The following SUMF1 variants were observed in gnomAD, a reference collection of about 807,000 sequenced individuals.
The protein encoded by SUMF1 is sulfatase modifying factor 1, also known as formylglycine-generating enzyme.
In SUMF1, 48 loss-of-function variants were observed where a neutral mutation model predicts 47.6. The ratio of observed to expected loss-of-function variants is 1.01; its 90% CI spans 0.80 to 1.28. SUMF1 has a LOEUF of 1.28. SUMF1 is among the 50% of genes most tolerant of loss of function. The probability of loss-of-function intolerance (pLI) is 0.00; values close to 1 mark genes in which losing one functional copy is unlikely to be tolerated. For missense variants in SUMF1, 571 were observed against 485.4 expected (o/e 1.18, Z -1.66); for synonymous variants, 230 against 192.1 (o/e 1.20, Z -1.63).
intron 8 of SUMF1, among the ~76,000 whole-genome samples, chr3:4,230,782 C>A (rs1696282412): frequency 6.6e-6 from 1 of 152,060 alleles, no homozygotes; most frequent in Non-Finnish European, 1.5e-5. Context: ...TGTCTGGGGG[C>A]CTCCAGCCAC....
At chr3:4,442,610 C>T (rs989548970) in intron 3 of SUMF1, among the ~76,000 whole-genome samples, 2 of 113,896 alleles carry the variant, frequency 1.8e-5, no homozygotes, top group African/African-American at 6.3e-5. Flanking sequence ...AACCAAACTC[C>T]TGAAATAGAG....
At chr3:4,380,509 A>T (rs2124873117) in intron 7 of SUMF1, among the ~76,000 whole-genome samples, 1 of 152,208 alleles carries the variant, frequency 6.6e-6, no homozygotes, top group South Asian at 2.1e-4. Flanking sequence ...AATTATCTAC[A>T]CCAAACCCCC....
chr3:4,283,813 T>C (rs1697575903), intron 8 of SUMF1, among the ~76,000 whole-genome samples: 1 of 152,126 alleles, frequency 6.6e-6, no homozygotes, highest in African/African-American at 2.4e-5. Flanking sequence ...GAGTACACCA[T>C]CAAGGTGCCA....
intron 1 of SUMF1, among the ~76,000 whole-genome samples, chr3:4,453,922 G>A (rs1022100683): frequency 6.6e-6 from 1 of 152,014 alleles, no homozygotes; most frequent in African/African-American, 2.4e-5. Flanking sequence ...TCCCACCTCG[G>A]CCTTCCAAAC....
Position 4,418,066 on chromosome 3 carries a change from CT to C in SUMF1, c.668del (p.Lys223SerfsTer45), listed in dbSNP as rs2125035405. The C allele has an allele frequency of 1.2e-6, 2 of 1,614,094 alleles. No homozygotes were observed. The highest frequency in any genetic ancestry group is 1.7e-6 in the Non-Finnish European group (2 of 1,180,020). ...DAVAYCTWAGKRLPTEAEWEY... is the reference protein window; with the variant it reads ...DAVAYCTWAGXRLPTEAEWEY... ...CCCACTCAGCTTCCGTGGGCAGCCG[CT>C]TCCCTGCCCAAGTGCAGTAGGCAAC... On this transcript the variant is annotated frameshift_variant, in exon 5 of 9. Coordinates refer to ENST00000272902, the MANE Select transcript of SUMF1 (RefSeq NM_182760.4). LOFTEE classifies it high-confidence loss of function.
intron 8 of SUMF1, among the ~76,000 whole-genome samples, chr3:4,368,273 A>C (rs184704189): frequency 2.0e-5 from 3 of 152,218 alleles, no homozygotes; most frequent in African/African-American, 7.2e-5. Context: ...AATGCAAATC[A>C]AAACCACAAT....
intron 8 of SUMF1, among the ~76,000 whole-genome samples, chr3:4,145,675 A>T (rs566424362): frequency 6.6e-6 from 1 of 152,328 alleles, no homozygotes; most frequent in Admixed American, 6.5e-5. Flanking sequence ...TCATGTCTGC[A>T]TCAAAGATTG....
intron 7 of SUMF1, among the ~76,000 whole-genome samples, chr3:4,387,686 T>G (rs1700718266): frequency 6.6e-6 from 1 of 152,018 alleles, no homozygotes; most frequent in Non-Finnish European, 1.5e-5. Flanking sequence ...TTTTAGACTT[T>G]TTCTCTTTTC....
intron 6 of SUMF1, among the ~76,000 whole-genome samples, chr3:4,413,062 T>A (rs1003080559): frequency 6.6e-6 from 1 of 151,890 alleles, no homozygotes; most frequent in African/African-American, 2.4e-5. Flanking sequence ...TGGAGTACAG[T>A]GATGCAATCA....
intron 8 of SUMF1, among the ~76,000 whole-genome samples, chr3:4,111,095 A>G (rs1693295761): frequency 6.6e-6 from 1 of 151,986 alleles, no homozygotes; most frequent in South Asian, 2.1e-4. Flanking sequence ...ATGATTAAGA[A>G]AGAAAATACA....
At chr3:4,038,871 A>C (rs996110675) in intron 9 of SUMF1, among the ~76,000 whole-genome samples, 2 of 152,206 alleles carry the variant, frequency 1.3e-5, no homozygotes, top group East Asian at 3.9e-4. Flanking sequence ...AAAAGAGTTC[A>C]GGGGTTGCGA....
chr3:4,111,310 T>C (rs1008910480), intron 8 of SUMF1, among the ~76,000 whole-genome samples: 12 of 152,266 alleles, frequency 7.9e-5, no homozygotes, highest in African/African-American at 2.9e-4. Flanking sequence ...GAAGTGGACC[T>C]GTGCAATTCA....
chr3:4,181,546 G>C (rs891288075), intron 8 of SUMF1, among the ~76,000 whole-genome samples: 1 of 152,124 alleles, frequency 6.6e-6, no homozygotes, highest in Non-Finnish European at 1.5e-5. Flanking sequence ...GTTTGACCTT[G>C]GGCTAGTCAC....
At chr3:4,349,947 T>G (rs1476384180) in intron 8 of SUMF1, among the ~76,000 whole-genome samples, 1 of 95,070 alleles carries the variant, frequency 1.1e-5, no homozygotes, top group African/African-American at 4.9e-5. Flanking sequence ...ATGCATCCGG[T>G]TTTTTTTTTT....
rs537319590 is a variant in SUMF1, at chr3:4,269,506, A to G, written c.1014+106824T>C. On this transcript the variant is annotated intron_variant and NMD_transcript_variant, in intron 8 of 12. Coordinates refer to the SUMF1 transcript ENST00000448413. ...TAATTAAAGCGTGTTTAGCAGATAC[A>G]TGCAAATATCAAACAATCTTAACCA... Among the ~76,000 whole-genome samples, 140 of 152,366 alleles carry G rather than the reference A, an allele frequency of 9.2e-4. 1 individual carries two copies. Among genetic ancestry groups the G allele is most frequent in the Admixed American group, 5.4e-3 (82 of 15,304 alleles).
At chr3:4,164,699 G>T (rs1694659100) in intron 8 of SUMF1, among the ~76,000 whole-genome samples, 1 of 152,018 alleles carries the variant, frequency 6.6e-6, no homozygotes, top group African/African-American at 2.4e-5. Context: ...TGCTCCTCTT[G>T]GTCCCTATTA....
Position 4,361,905 on chromosome 3 carries a change from A to G in SUMF1, c.*239T>C. 1 of 506,882 alleles carries G rather than the reference A, an allele frequency of 2.0e-6. No homozygotes were observed. Among genetic ancestry groups the G allele is most frequent in the Non-Finnish European group, 3.6e-6 (1 of 277,932 alleles). 31.4% of individuals were successfully genotyped at this position (506,882 alleles called of 1,614,324 possible). On this transcript the variant is annotated 3_prime_UTR_variant, in exon 9 of 9. Transcript: ENST00000272902. ...GTTCCCTCCACTCCCCTTCCTCTTT[A>G]AAGACTCTCAAAAGTAAAATATGGT...
intron 3 of SUMF1, among the ~76,000 whole-genome samples, chr3:4,433,080 T>C (rs1356186987): frequency 6.6e-6 from 1 of 152,208 alleles, no homozygotes; most frequent in East Asian, 1.9e-4. Context: ...AATTCTTATT[T>C]TTGCATAAGT....
chr3:4,037,184 T>C (rs1223324744), intron 9 of SUMF1, among the ~76,000 whole-genome samples: 2 of 152,196 alleles, frequency 1.3e-5, no homozygotes, highest in African/African-American at 4.8e-5. Flanking sequence ...AAGGAAATAA[T>C]ATGGATAGAC....
Sources: allele counts gnomAD v4.1 joint callset (sites outside exome capture counted in the v4.1 genomes callset), GRCh38; gene constraint gnomAD v4.1.1; transcripts MANE v1.5; gene names NCBI Gene and HGNC (gene_info 2026-07-23, HGNC 2026-07-21).